Variants in WWOX observed in about 807,000 individuals in gnomAD.
WWOX encodes WW domain containing oxidoreductase.
WWOX carries 69 observed loss-of-function variants against 46.2 expected under a neutral mutation model. The observed-to-expected ratio is 1.49, with a 90% CI of 1.23 to 1.82. WWOX has a LOEUF of 1.82. Ranked by LOEUF, WWOX falls within the 40% of genes most tolerant of loss-of-function variation. The pLI is 0.00. For synonymous variants in WWOX, 359 were observed against 202.6 expected (o/e 1.77, Z -6.56); for missense variants, 919 against 542.6 (o/e 1.69, Z -6.89).
In WWOX at chr16:78,182,030, A is replaced by C. The variant is rs552852802; in HGVS notation, c.516+17741A>C. On this transcript the variant is annotated intron_variant, in intron 5 of 8. Coordinates refer to ENST00000566780, the MANE Select transcript of WWOX (RefSeq NM_016373.4). ...TTGCTAACGTCATCAGTCTGAAAGGATTGAGCTGTAAAATGTGTTATGGGG... is the reference window on the plus strand; with the variant it reads ...TTGCTAACGTCATCAGTCTGAAAGGCTTGAGCTGTAAAATGTGTTATGGGG... 3.3e-5 allele frequency among the ~76,000 whole-genome samples: 5 copies of C among 152,236 alleles called. No individual in the cohort carries two copies. In the East Asian group the frequency reaches 7.7e-4, roughly 24 times the overall value.
At chr16:78,209,833 G>T (rs1022471306) in intron 5 of WWOX, among the ~76,000 whole-genome samples, 1 of 151,716 alleles carries the variant, frequency 6.6e-6, no homozygotes, top group Non-Finnish European at 1.5e-5. Context: ...GATGAAATAT[G>T]TATGTCTTTC....
At chr16:78,128,486 T>C (rs1435254530) in intron 4 of WWOX, among the ~76,000 whole-genome samples, 2 of 152,194 alleles carry the variant, frequency 1.3e-5, no homozygotes, top group Non-Finnish European at 2.9e-5. Flanking sequence ...TCTTGGGTGA[T>C]GCGATTTCTT....
chr16:78,912,483 T>C (rs538454223), intron 8 of WWOX, among the ~76,000 whole-genome samples: 31 of 151,914 alleles, frequency 2.0e-4, no homozygotes, highest in Admixed American at 5.9e-4. Flanking sequence ...TAACACGGGA[T>C]CTGTCAATTG....
In WWOX at chr16:78,380,132, G is replaced by A. The variant is rs560051730; in HGVS notation, c.517-6728G>A. On this transcript the variant is annotated intron_variant, in intron 5 of 8. Transcript: ENST00000566780. ...TGGAGAAGTGTACTTGGGCTACCGG[G>A]TTACCAAGAGCAGGACAGCATGAGG... Among the ~76,000 whole-genome samples the A allele has an allele frequency of 2.9e-3, 441 of 152,274 alleles. 1 individual carries two copies. The highest frequency in any genetic ancestry group is 0.01 in the African/African-American group (420 of 41,544).
rs2050462845 is a variant in WWOX, at chr16:79,160,437, C to T, written c.1057-51171C>T. 2.0e-5 allele frequency among the ~76,000 whole-genome samples: 3 copies of T among 152,230 alleles called. No individual in the cohort carries two copies. The South Asian group carries it at 6.2e-4, about 32-fold the overall frequency. Reference sequence around the variant, plus strand: ...ACCTCAGGATCCTTGATCTCATCATCTGTAAAACAGAGATCAGATGAACCC... The same window carrying T: ...ACCTCAGGATCCTTGATCTCATCATTTGTAAAACAGAGATCAGATGAACCC... On this transcript the variant is annotated intron_variant, in intron 8 of 8. Coordinates refer to ENST00000566780, the MANE Select transcript of WWOX (RefSeq NM_016373.4).
intron 8 of WWOX, among the ~76,000 whole-genome samples, chr16:78,570,788 A>T (rs1390634189): frequency 2.0e-5 from 3 of 152,234 alleles, no homozygotes; most frequent in African/African-American, 7.2e-5. Context: ...ATACATTTTC[A>T]GAAACAAACA....
At chr16:78,634,289 A>G (rs189604545) in intron 8 of WWOX, among the ~76,000 whole-genome samples, 37 of 152,330 alleles carry the variant, frequency 2.4e-4, no homozygotes, top group Non-Finnish European at 5.1e-4. Context: ...GGATGCTGAA[A>G]TGTCCAAGTG....
At chr16:79,103,340 G>A (rs2049241164) in intron 8 of WWOX, among the ~76,000 whole-genome samples, 1 of 152,192 alleles carries the variant, frequency 6.6e-6, no homozygotes, top group Admixed American at 6.5e-5. Context: ...AGTACCTTTA[G>A]GGGAATCCAG....
At chr16:78,982,763 A>C (rs2046708425) in intron 8 of WWOX, among the ~76,000 whole-genome samples, 1 of 152,220 alleles carries the variant, frequency 6.6e-6, no homozygotes, top group African/African-American at 2.4e-5. Context: ...AGTTTGCATT[A>C]ATAAATAGTG....
chr16:78,140,078 T>C (rs2033932832), intron 4 of WWOX, among the ~76,000 whole-genome samples: 1 of 152,110 alleles, frequency 6.6e-6, no homozygotes, highest in Non-Finnish European at 1.5e-5. Flanking sequence ...AGGATGGAAA[T>C]GGGGGGATCC....
intron 8 of WWOX, among the ~76,000 whole-genome samples, chr16:79,181,563 T>A (rs1289801302): frequency 6.6e-6 from 1 of 152,204 alleles, no homozygotes; most frequent in Non-Finnish European, 1.5e-5. Flanking sequence ...TAGGGGTTTT[T>A]TTTTTAATTG....
chr16:78,628,492 C>A (rs2046358459), intron 8 of WWOX, among the ~76,000 whole-genome samples: 1 of 152,164 alleles, frequency 6.6e-6, no homozygotes, highest in African/African-American at 2.4e-5. Context: ...GAAAAGTACC[C>A]ACCTAACAGA....
At chr16:78,585,693 T>C (rs925022703) in intron 8 of WWOX, among the ~76,000 whole-genome samples, 1 of 151,268 alleles carries the variant, frequency 6.6e-6, no homozygotes, top group Non-Finnish European at 1.5e-5. Context: ...TTTTGTTTTT[T>C]TTTGTTTTTT....
At chr16:78,639,347 G>A (rs778091264) in intron 8 of WWOX, among the ~76,000 whole-genome samples, 8 of 152,154 alleles carry the variant, frequency 5.3e-5, no homozygotes, top group East Asian at 1.9e-4. Context: ...ACACCTTGCC[G>A]TATATGACTT....
rs2045636362 is a variant in WWOX at position 78,932,121 on chromosome 16, C to G, written c.1057-279487C>G. On this transcript the variant is annotated intron_variant, in intron 8 of 8. Coordinates refer to ENST00000566780, the MANE Select transcript of WWOX (RefSeq NM_016373.4). Reference sequence around the variant, plus strand: ...TCAGTCTCAGGTATGTCTTTATTAGCAGCATGAGAACAAACTAATACACCA... The same window carrying G: ...TCAGTCTCAGGTATGTCTTTATTAGGAGCATGAGAACAAACTAATACACCA... Among the ~76,000 whole-genome samples the G allele has an allele frequency of 2.6e-5, 4 of 152,214 alleles. No individual in the cohort carries two copies. In the South Asian group the frequency reaches 8.3e-4, roughly 31 times the overall value.
intron 7 of WWOX, among the ~76,000 whole-genome samples, chr16:78,426,202 C>T (rs1482897456): frequency 6.6e-6 from 1 of 152,208 alleles, no homozygotes; most frequent in African/African-American, 2.4e-5. Flanking sequence ...TTGCAAATCA[C>T]ACCAGGTTTG....
chr16:78,984,389 T>G (rs1178358878), intron 8 of WWOX, among the ~76,000 whole-genome samples: 1 of 152,222 alleles, frequency 6.6e-6, no homozygotes, highest in Non-Finnish European at 1.5e-5. Flanking sequence ...ATTAATATTT[T>G]ATACTTTGTG....
chr16:78,151,788 C>T (rs1597274002), intron 4 of WWOX, among the ~76,000 whole-genome samples: 1 of 152,154 alleles, frequency 6.6e-6, no homozygotes, highest in Non-Finnish European at 1.5e-5. Flanking sequence ...AGAAGTTTTC[C>T]TGCCCCCAAC....
chr16:78,205,504 C>T (rs544298513), intron 5 of WWOX, among the ~76,000 whole-genome samples: 93 of 151,866 alleles, frequency 6.1e-4, no homozygotes, highest in African/African-American at 2.1e-3. Flanking sequence ...TCTAGTCATC[C>T]CCATCCATCC....
Sources: gnomAD v4.1 joint callset for allele counts (sites outside exome capture counted in the v4.1 genomes callset) on GRCh38, gnomAD v4.1.1 for gene constraint, MANE v1.5 for transcripts, NCBI Gene and HGNC (gene_info 2026-07-23, HGNC 2026-07-21) for gene names.